NXPH1: variants seen among roughly 807,000 people sequenced by gnomAD.
NXPH1 encodes the protein neurexophilin-1.
A neutral mutation model predicts 23.7 loss-of-function variants in NXPH1; 5 were observed. The observed-to-expected ratio is 0.21, with a 90% CI of 0.11 to 0.44. The LOEUF (loss-of-function observed/expected upper bound fraction) is 0.44. Ranked by LOEUF, NXPH1 falls within the 20% of genes least tolerant of loss-of-function variation. The pLI, the probability that NXPH1 is intolerant of heterozygous loss-of-function variation, is 0.99. For missense variants in NXPH1, 324 were observed against 321.6 expected (o/e 1.01, Z -0.06); for synonymous variants, 144 against 122.2 (o/e 1.18, Z -1.18).
intron 2 of NXPH1, among the ~76,000 whole-genome samples, chr7:8,719,839 T>A (rs1779936826): frequency 6.6e-6 from 1 of 151,920 alleles, no homozygotes; most frequent in East Asian, 1.9e-4. Flanking sequence ...TGAGTAAAAA[T>A]AAAATAAAAA....
intron 2 of NXPH1, among the ~76,000 whole-genome samples, chr7:8,741,295 C>CA (rs1222143552): frequency 6.6e-6 from 1 of 152,036 alleles, no homozygotes; most frequent in Non-Finnish European, 1.5e-5. Context: ...CTTCTTTTTC[C>CA]ATTCATCCCT....
Position 8,646,740 on chromosome 7 carries a change from C to T in NXPH1, c.55-104268C>T, listed in dbSNP as rs1191920503. ...TGTGTTAATATAATGTAATATAAAT[C>T]TTGCTGGAAATCAGTGGACCCCAAA... is the stretch of plus-strand genomic sequence containing the variant. On this transcript the variant is annotated intron_variant, in intron 2 of 2. Transcript: ENST00000405863. 2.6e-5 allele frequency among the ~76,000 whole-genome samples: 4 copies of T among 152,078 alleles called. No individual in the cohort carries two copies. In the East Asian group the frequency reaches 7.7e-4, roughly 29 times the overall value.
At chr7:8,536,256 A>G (rs527538185) in intron 2 of NXPH1, among the ~76,000 whole-genome samples, 2 of 152,200 alleles carry the variant, frequency 1.3e-5, no homozygotes, top group Admixed American at 6.5e-5. Context: ...GTATCAACGC[A>G]TATAATAATA....
intron 2 of NXPH1, among the ~76,000 whole-genome samples, chr7:8,617,624 A>C (rs903490066): frequency 6.6e-6 from 1 of 152,128 alleles, no homozygotes; most frequent in Non-Finnish European, 1.5e-5. Flanking sequence ...GAACTAGTGG[A>C]CATAGAGAGT....
intron 2 of NXPH1, among the ~76,000 whole-genome samples, chr7:8,590,619 A>G (rs1224486299): frequency 2.6e-5 from 4 of 152,114 alleles, no homozygotes; most frequent in Non-Finnish European, 5.9e-5. Flanking sequence ...AATGTTAAAA[A>G]TTGAAATTCA....
At chr7:8,456,917 T>C (rs7791042) in intron 2 of NXPH1, among the ~76,000 whole-genome samples, 67,055 of 151,988 alleles carry the variant, frequency 0.44, 19,032 homozygotes, top group African/African-American at 0.79. Context: ...CTGTCCCCAC[T>C]GCAGCCTAGA....
chr7:8,528,763 G>C (rs1182600483), intron 2 of NXPH1, among the ~76,000 whole-genome samples: 4 of 152,170 alleles, frequency 2.6e-5, no homozygotes, highest in Non-Finnish European at 5.9e-5. Flanking sequence ...TGTTTTTCTT[G>C]TCCCAGGTGG....
chr7:8,560,478 A>G (rs892021309), intron 2 of NXPH1, among the ~76,000 whole-genome samples: 1 of 148,448 alleles, frequency 6.7e-6, no homozygotes, highest in African/African-American at 2.6e-5. Context: ...AGAAGCAGCC[A>G]CTTACTTGAA....
intron 2 of NXPH1, among the ~76,000 whole-genome samples, chr7:8,660,338 A>G (rs1820652442): frequency 6.6e-6 from 1 of 152,184 alleles, no homozygotes; most frequent in South Asian, 2.1e-4. Flanking sequence ...CTTACCTTAC[A>G]ACTCTTAACT....
At chr7:8,578,623 C>T (rs927702956) in intron 2 of NXPH1, among the ~76,000 whole-genome samples, 1 of 152,178 alleles carries the variant, frequency 6.6e-6, no homozygotes, top group African/African-American at 2.4e-5. Flanking sequence ...GTAACTACTG[C>T]AGGCTGGTCA....
chr7:8,631,345 C>G (rs1344820324), intron 2 of NXPH1, among the ~76,000 whole-genome samples: 2 of 152,136 alleles, frequency 1.3e-5, no homozygotes, highest in Admixed American at 6.6e-5. Flanking sequence ...CTAGGCAATA[C>G]CATTCAGGAC....
chr7:8,630,478 G>C (rs990023107), intron 2 of NXPH1, among the ~76,000 whole-genome samples: 4 of 152,068 alleles, frequency 2.6e-5, no homozygotes, highest in African/African-American at 9.7e-5. Context: ...GAAAACAACA[G>C]CAAAGATTTT....
chr7:8,640,493 C>A (rs186232476), intron 2 of NXPH1, among the ~76,000 whole-genome samples: 1 of 151,658 alleles, frequency 6.6e-6, no homozygotes, highest in African/African-American at 2.4e-5. Flanking sequence ...TCATACATTT[C>A]TGTATCCTGT....
At chr7:8,660,855 TTTTA>T (rs2115161520) in intron 2 of NXPH1, among the ~76,000 whole-genome samples, 1 of 152,330 alleles carries the variant, frequency 6.6e-6, no homozygotes, top group African/African-American at 2.4e-5. Context: ...ACTATTTGTC[TTTTA>T]TTTATCAAAA....
At chr7:8,472,485 T>G (rs1816885987) in intron 2 of NXPH1, among the ~76,000 whole-genome samples, 1 of 152,120 alleles carries the variant, frequency 6.6e-6, no homozygotes. Context: ...CCTGAGTTGG[T>G]ATGAGACCCT....
At chr7:8,439,840 C>T (rs1286671186) in intron 2 of NXPH1, among the ~76,000 whole-genome samples, 1 of 152,170 alleles carries the variant, frequency 6.6e-6, no homozygotes, top group African/African-American at 2.4e-5. Flanking sequence ...GGGGGAAAAG[C>T]AGAGGGAGAG....
At chr7:8,539,619 G>A (rs1465764645) in intron 2 of NXPH1, among the ~76,000 whole-genome samples, 1 of 151,624 alleles carries the variant, frequency 6.6e-6, no homozygotes, top group Non-Finnish European at 1.5e-5. Context: ...ATACCGTATT[G>A]GATGATAGAA....
intron 2 of NXPH1, among the ~76,000 whole-genome samples, chr7:8,532,295 T>A (rs1013823888): frequency 6.6e-6 from 1 of 152,032 alleles, no homozygotes; most frequent in Non-Finnish European, 1.5e-5. Flanking sequence ...TATAATTAAA[T>A]CTATGTATCA....
chr7:8,589,419 T>C (rs546039584), intron 2 of NXPH1, among the ~76,000 whole-genome samples: 60 of 152,238 alleles, frequency 3.9e-4, no homozygotes, highest in Non-Finnish European at 5.7e-4. Flanking sequence ...AAAGTAAGTA[T>C]GCACACCAGC....
Sources: allele counts gnomAD v4.1 joint callset (sites outside exome capture counted in the v4.1 genomes callset), GRCh38; gene constraint gnomAD v4.1.1; transcripts MANE v1.5; gene names NCBI Gene and HGNC (gene_info 2026-07-23, HGNC 2026-07-21).